Variants in LINGO2 observed in about 807,000 individuals in gnomAD.
The protein encoded by LINGO2 is leucine rich repeat and Ig domain containing 2, also known as leucine-rich repeat and immunoglobulin-like domain-containing nogo receptor-interacting protein 2.
A neutral mutation model predicts 30.6 loss-of-function variants in LINGO2; 14 were observed. The observed-to-expected ratio is 0.46, with a 90% CI of 0.30 to 0.72. The LOEUF (loss-of-function observed/expected upper bound fraction) is 0.72. Among genes scored for constraint, LINGO2 ranks in the 30% least tolerant of loss-of-function variants. The probability of loss-of-function intolerance (pLI) is 0.07; values close to 1 mark genes in which losing one functional copy is unlikely to be tolerated. For missense variants in LINGO2, 729 were observed against 751.7 expected, an observed-to-expected ratio of 0.97 and a Z score of 0.35; for synonymous variants, 317 against 288.5, an observed-to-expected ratio of 1.10 and a Z score of -1.00.
At chr9:29,002,430 T>C in the LINGO2 span, among the ~76,000 whole-genome samples, 5 of 152,088 alleles carry the variant, frequency 3.3e-5, no homozygotes, top group Admixed American at 2.0e-4. Flanking sequence ...TCAGGACAGA[T>C]GTGATTGTTA....
intron 2 of LINGO2, among the ~76,000 whole-genome samples, chr9:28,474,213 C>A (rs1825638944): frequency 6.6e-6 from 1 of 152,054 alleles, no homozygotes; most frequent in Non-Finnish European, 1.5e-5. Context: ...TTGAAATGAA[C>A]AAGTAACATT....
intron 4 of LINGO2, among the ~76,000 whole-genome samples, chr9:28,213,405 C>A (rs1330409044): frequency 6.6e-6 from 1 of 151,316 alleles, no homozygotes; most frequent in Non-Finnish European, 1.5e-5. Flanking sequence ...AATGAAAAGC[C>A]AGAGTGATCA....
the LINGO2 span, among the ~76,000 whole-genome samples, chr9:29,081,902 C>T: frequency 6.6e-6 from 1 of 151,826 alleles, no homozygotes; most frequent in East Asian, 1.9e-4. Context: ...AGGAGAACTA[C>T]AAACCACTGC....
At chr9:28,306,697 A>G (rs1824373637) in intron 3 of LINGO2, among the ~76,000 whole-genome samples, 1 of 152,226 alleles carries the variant, frequency 6.6e-6, no homozygotes, top group South Asian at 2.1e-4. Flanking sequence ...CTAACAAAGA[A>G]GAAAAGAGAG....
chr9:28,730,207 G>C, the LINGO2 span, among the ~76,000 whole-genome samples: 1 of 152,098 alleles, frequency 6.6e-6, no homozygotes, highest in Admixed American at 6.6e-5. Context: ...TCCAGCATAA[G>C]TGAGATAAGA....
At chr9:28,300,380 T>C (rs1824095486) in intron 3 of LINGO2, among the ~76,000 whole-genome samples, 1 of 152,150 alleles carries the variant, frequency 6.6e-6, no homozygotes, top group African/African-American at 2.4e-5. Flanking sequence ...ACGCTATCAA[T>C]CACTGAGAAC....
chr9:28,769,029 G>T, the LINGO2 span, among the ~76,000 whole-genome samples: 1 of 151,974 alleles, frequency 6.6e-6, no homozygotes, highest in Non-Finnish European at 1.5e-5. Context: ...ACAAACAGTA[G>T]TAAAAGTATA....
intron 4 of LINGO2, among the ~76,000 whole-genome samples, chr9:28,063,083 G>A (rs527921833): frequency 5.1e-4 from 77 of 152,240 alleles, no homozygotes; most frequent in African/African-American, 1.7e-3. Flanking sequence ...CTGACAGAAG[G>A]AAACCATAGA....
At chr9:28,633,732 A>C (rs1332268483) in intron 1 of LINGO2, among the ~76,000 whole-genome samples, 1 of 152,158 alleles carries the variant, frequency 6.6e-6, no homozygotes, top group Non-Finnish European at 1.5e-5. Context: ...AACTAATAAT[A>C]CACTTTTCTC....
chr9:29,178,489 T>C, the LINGO2 span, among the ~76,000 whole-genome samples: 52,406 of 152,010 alleles, frequency 0.34, 10,819 homozygotes, highest in Admixed American at 0.49. Context: ...GTACTAAGCA[T>C]AGAGGAGAGT....
rs1472410569 is a variant in LINGO2 at position 28,236,840 on chromosome 9, A to T, written c.-87+58368T>A. On this transcript the variant is annotated intron_variant, in intron 4 of 5. Coordinates refer to ENST00000379992, the Ensembl canonical transcript of LINGO2. ...CTAGTATTTGATAGCACATCAGGGG[A>T]ACTATAGTCAATAATAATTTAATTG... Among the ~76,000 whole-genome samples, 7 of 152,126 alleles carry T rather than the reference A, an allele frequency of 4.6e-5. No individual in the cohort carries two copies. In the East Asian group the frequency reaches 1.3e-3, roughly 29 times the overall value.
At chr9:28,876,511 TG>T in the LINGO2 span, among the ~76,000 whole-genome samples, 1 of 152,068 alleles carries the variant, frequency 6.6e-6, no homozygotes, top group African/African-American at 2.4e-5. Context: ...TTTGGTTTTT[TG>T]TCCTTGCTAT....
At chr9:28,204,640 C>G (rs1197963863) in intron 4 of LINGO2, among the ~76,000 whole-genome samples, 1 of 152,002 alleles carries the variant, frequency 6.6e-6, no homozygotes, top group Non-Finnish European at 1.5e-5. Context: ...CTGAGTTTTT[C>G]TTCATCAAAG....
the LINGO2 span, among the ~76,000 whole-genome samples, chr9:29,204,077 T>A: frequency 4.6e-5 from 7 of 152,264 alleles, no homozygotes; most frequent in African/African-American, 1.7e-4. Flanking sequence ...AGAATGCAGA[T>A]GATGATTATG....
the LINGO2 span, among the ~76,000 whole-genome samples, chr9:29,170,229 A>AATG: frequency 6.6e-6 from 1 of 152,208 alleles, no homozygotes. Flanking sequence ...TGGATTTAAA[A>AATG]ATGTTGTATA....
intron 3 of LINGO2, among the ~76,000 whole-genome samples, chr9:28,309,945 AC>A (rs1824544965): frequency 6.6e-6 from 1 of 152,028 alleles, no homozygotes; most frequent in South Asian, 2.1e-4. Context: ...AATAAAAAAC[AC>A]CCCGAGATAT....
chr9:28,301,736 C>A (rs1159146871), intron 3 of LINGO2, among the ~76,000 whole-genome samples: 1 of 152,114 alleles, frequency 6.6e-6, no homozygotes, highest in African/African-American at 2.4e-5. Flanking sequence ...AATGGCCTTT[C>A]AATTCTACAC....
chr9:28,106,508 C>T (rs548618215), intron 4 of LINGO2, among the ~76,000 whole-genome samples: 2 of 152,264 alleles, frequency 1.3e-5, no homozygotes, highest in Admixed American at 6.5e-5. Context: ...TATTTAATCT[C>T]ATGCCTGACT....
At chr9:27,952,732 C>T (rs1210939329) in intron 5 of LINGO2, among the ~76,000 whole-genome samples, 1 of 151,996 alleles carries the variant, frequency 6.6e-6, no homozygotes, top group Non-Finnish European at 1.5e-5. Context: ...ACTAACTTTA[C>T]TTCTTCCAAT....
Sources: gnomAD v4.1 joint callset for allele counts (sites outside exome capture counted in the v4.1 genomes callset) on GRCh38, gnomAD v4.1.1 for gene constraint, MANE v1.5 for transcripts, NCBI Gene and HGNC (gene_info 2026-07-23, HGNC 2026-07-21) for gene names.